SMYD3: variants seen among roughly 807,000 people sequenced by gnomAD.
SMYD3 encodes the protein SET and MYND domain containing 3.
SMYD3 carries 36 observed loss-of-function variants against 57.7 expected under a neutral mutation model. That is an observed-to-expected ratio of 0.62 (90% CI 0.48 to 0.82). The LOEUF (loss-of-function observed/expected upper bound fraction) is 0.82. Among genes scored for constraint, SMYD3 ranks in the 40% least tolerant of loss-of-function variants. The pLI, the probability that SMYD3 is intolerant of heterozygous loss-of-function variation, is 0.00. For synonymous variants in SMYD3, 211 were observed against 195.0 expected (o/e 1.08, Z -0.68); for missense variants, 515 against 538.8 (o/e 0.96, Z 0.44).
At chr1:246,207,231 G>A (rs765066745) in intron 5 of SMYD3, among the ~76,000 whole-genome samples, 3 of 152,092 alleles carry the variant, frequency 2.0e-5, no homozygotes. Context: ...CTGAATTCTT[G>A]TGTGTAGGTC....
intron 5 of SMYD3, among the ~76,000 whole-genome samples, chr1:245,998,967 C>T (rs896073098): frequency 6.6e-6 from 1 of 152,052 alleles, no homozygotes; most frequent in Non-Finnish European, 1.5e-5. Flanking sequence ...AGACGCAAAA[C>T]AGATTGGTGG....
At position 245,929,937 on chromosome 1, in the gene SMYD3, C is replaced by A; in HGVS notation, c.532G>T (p.Val178Leu). The change falls in exon 6 of 12, where the codon GTG becomes TTG. Residue 178 changes from valine to leucine, a missense_variant and splice_region_variant. Val to Leu is a conservative substitution (Grantham distance 32). Transcript: ENST00000490107. ...AFDLFEAFAK[V>L]ICNSFTICNA... ...CAGATGGTGAAAGAGTTGCAGATCA[C>A]CTGTAAACACAAGGGGAACCATCAG... 6.2e-7 allele frequency: 1 copy of A among 1,613,250 alleles called. No individual in the cohort carries two copies. The highest frequency in any genetic ancestry group is 2.2e-5 in the East Asian group (1 of 44,844).
chr1:246,105,203 C>T (rs561249354), intron 5 of SMYD3, among the ~76,000 whole-genome samples: 3 of 151,396 alleles, frequency 2.0e-5, no homozygotes, highest in Admixed American at 2.0e-4. Context: ...GGGGTTCTGG[C>T]TAAATTGACT....
At chr1:246,278,434 A>T (rs984512051) in intron 5 of SMYD3, among the ~76,000 whole-genome samples, 1 of 151,792 alleles carries the variant, frequency 6.6e-6, no homozygotes, top group Non-Finnish European at 1.5e-5. Context: ...ATTTCATAAA[A>T]CTCCATCTTG....
chr1:246,004,330 A>G (rs1203013637), intron 5 of SMYD3, among the ~76,000 whole-genome samples: 5 of 152,224 alleles, frequency 3.3e-5, no homozygotes, highest in Non-Finnish European at 7.3e-5. Flanking sequence ...CGCTCACCCC[A>G]GTTTTCACTT....
intron 5 of SMYD3, among the ~76,000 whole-genome samples, chr1:246,210,619 A>G (rs139351605): frequency 0.011 from 1,713 of 152,028 alleles, 25 homozygotes; most frequent in Middle Eastern, 0.031. Flanking sequence ...CTGAGGCAGG[A>G]GAATCACTTG....
At chr1:245,952,055 T>C (rs76143473) in intron 5 of SMYD3, among the ~76,000 whole-genome samples, 2 of 151,936 alleles carry the variant, frequency 1.3e-5, no homozygotes, top group African/African-American at 4.8e-5. Flanking sequence ...AGATTAGAAT[T>C]TGCCGTTTCT....
chr1:246,408,872 G>A (rs1373708541), intron 1 of SMYD3, among the ~76,000 whole-genome samples: 1 of 152,062 alleles, frequency 6.6e-6, no homozygotes, highest in Non-Finnish European at 1.5e-5. Flanking sequence ...GTTTCACCAT[G>A]TTGGCCAGGT....
intron 5 of SMYD3, among the ~76,000 whole-genome samples, chr1:246,085,556 T>C (rs992873192): frequency 6.6e-6 from 1 of 152,154 alleles, no homozygotes; most frequent in African/African-American, 2.4e-5. Context: ...AAACATGCAG[T>C]GACATAGAGA....
At chr1:245,848,275 T>TTG (rs1231083957) in intron 10 of SMYD3, among the ~76,000 whole-genome samples, 2 of 105,592 alleles carry the variant, frequency 1.9e-5, no homozygotes, top group African/African-American at 3.3e-5. Context: ...AGTTATTTTT[T>TTG]TCTGTGTGTG....
intron 5 of SMYD3, among the ~76,000 whole-genome samples, chr1:246,052,302 A>G (rs2060078570): frequency 6.6e-6 from 1 of 152,234 alleles, no homozygotes; most frequent in Non-Finnish European, 1.5e-5. Context: ...GGGTCAGGTG[A>G]CCAACACATC....
intron 5 of SMYD3, among the ~76,000 whole-genome samples, chr1:245,950,428 G>GT (rs1337216581): frequency 6.6e-6 from 1 of 152,034 alleles, no homozygotes; most frequent in Admixed American, 6.5e-5. Context: ...ATTTTTTTCT[G>GT]TAACAGCAGG....
At chr1:246,348,060 TTATA>T (rs200573424) in intron 2 of SMYD3, among the ~76,000 whole-genome samples, 1,086 of 83,036 alleles carry the variant, frequency 0.013, 142 homozygotes, top group African/African-American at 0.043. Context: ...AAAGAAAACG[TTATA>T]TATATATATA....
intron 5 of SMYD3, among the ~76,000 whole-genome samples, chr1:245,969,186 G>A (rs2058232328): frequency 6.6e-6 from 1 of 152,218 alleles, no homozygotes; most frequent in Non-Finnish European, 1.5e-5. Flanking sequence ...TAAATTGAGA[G>A]CCTGGGATCA....
rs1477246213 is a variant in SMYD3, at chr1:245,907,674, A to T, written c.813+7856T>A. Reference sequence around the variant, plus strand: ...GGATTTACAAAACAATCAGAAAACAATTTTTAAAATGTCAGGACTAAGTCC... The same window carrying T: ...GGATTTACAAAACAATCAGAAAACATTTTTTAAAATGTCAGGACTAAGTCC... On this transcript the variant is annotated intron_variant, in intron 8 of 11. Coordinates refer to ENST00000490107, the MANE Select transcript of SMYD3 (RefSeq NM_001167740.2). Among the ~76,000 whole-genome samples, 4 of 152,340 alleles carry T rather than the reference A, an allele frequency of 2.6e-5. No individual in the cohort carries two copies. In the East Asian group the frequency reaches 7.7e-4, roughly 29 times the overall value.
chr1:246,474,830 T>C (rs972432842), intron 1 of SMYD3, among the ~76,000 whole-genome samples: 9 of 152,118 alleles, frequency 5.9e-5, no homozygotes, highest in Non-Finnish European at 1.2e-4. Context: ...TCCAAGAAGT[T>C]GCTACTGTAT....
At chr1:246,074,355 C>CA (rs1221037505) in intron 5 of SMYD3, among the ~76,000 whole-genome samples, 4 of 138,050 alleles carry the variant, frequency 2.9e-5, no homozygotes, top group Admixed American at 1.4e-4. Context: ...ATTGGTTTGC[C>CA]AAAAAAAATT....
chr1:245,884,243 G>C (rs1476819660), intron 8 of SMYD3, among the ~76,000 whole-genome samples: 1 of 152,296 alleles, frequency 6.6e-6, no homozygotes, highest in East Asian at 1.9e-4. Context: ...CCCTGACCAT[G>C]ATGCAGCATG....
At position 246,193,202 on chromosome 1, in the gene SMYD3, A is replaced by C. The variant is rs565482928; in HGVS notation, c.531+133999T>G. 3.3e-5 allele frequency among the ~76,000 whole-genome samples: 5 copies of C among 152,356 alleles called. No individual in the cohort carries two copies. In the East Asian group the frequency reaches 7.7e-4, roughly 23 times the overall value. On this transcript the variant is annotated intron_variant, in intron 5 of 11. Transcript: ENST00000490107. The stretch of plus-strand genomic sequence containing the variant: ...ATGGTACTACAGCCTCTGACAAATT[A>C]GGGACAACCTGAGAGCCACATTGGT...
Sources: allele counts gnomAD v4.1 joint callset (sites outside exome capture counted in the v4.1 genomes callset), GRCh38; gene constraint gnomAD v4.1.1; transcripts MANE v1.5; gene names NCBI Gene and HGNC (gene_info 2026-07-23, HGNC 2026-07-21).